PLCE1: variants seen among roughly 807,000 people sequenced by gnomAD.
PLCE1 encodes 1-phosphatidylinositol 4,5-bisphosphate phosphodiesterase epsilon-1.
In PLCE1, 119 loss-of-function variants were observed where a neutral mutation model predicts 242.8. That is an observed-to-expected ratio of 0.49 (90% confidence interval 0.42 to 0.57). The LOEUF (loss-of-function observed/expected upper bound fraction) is 0.57. PLCE1 is among the 20% of genes least tolerant of loss of function. The probability of loss-of-function intolerance (pLI) is 0.00; values close to 1 mark genes in which losing one functional copy is unlikely to be tolerated. For synonymous variants in PLCE1, 945 were observed against 1,017.4 expected, an observed-to-expected ratio of 0.93 and a Z score of 1.35; for missense variants, 2,441 against 2,788.8, an observed-to-expected ratio of 0.88 and a Z score of 2.81.
At chr10:94,213,622 C>T (rs1345420163) in intron 4 of PLCE1, among the ~76,000 whole-genome samples, 1 of 152,068 alleles carries the variant, frequency 6.6e-6, no homozygotes, top group Non-Finnish European at 1.5e-5. Context: ...TTTTTCTTGC[C>T]CCTTTTCCTC....
intron 13 of PLCE1, among the ~76,000 whole-genome samples, chr10:94,261,734 G>A (rs1019662907): frequency 1.3e-5 from 2 of 151,970 alleles, no homozygotes; most frequent in African/African-American, 4.8e-5. Context: ...CCTTCCATGT[G>A]ACCAGCAATT....
In PLCE1 at chr10:94,304,638, C is replaced by T. The variant is rs933902901; in HGVS notation, c.5615C>T (p.Ser1872Phe). The change falls in exon 25 of 33, where the codon TCT becomes TTT. Residue 1872 changes from serine to phenylalanine, a missense_variant. Physicochemically the swap from Ser to Phe is radical, Grantham distance 155. Around this residue, in one of 5 missense-constraint regions of PLCE1, gnomAD observed 1,004 missense variants for 1,322.7 expected, o/e 0.76. Transcript: ENST00000371380. ...GACAGCATGGATCCTGCAGTCTATT[C>T]TTTAACTGTAAGTACGGCCCCTAGA... Reference protein sequence around the residue: ...DLDSMDPAVYSLTIVSGQNVC... With the variant: ...DLDSMDPAVYFLTIVSGQNVC... 1.2e-6 allele frequency: 2 copies of T among 1,613,824 alleles called. No individual in the cohort carries two copies. The highest frequency in any genetic ancestry group is 1.3e-5 in the African/African-American group (1 of 74,926).
rs774119925 is a variant in PLCE1 at position 94,245,991 on chromosome 10, G to A, written c.2466G>A (p.Glu822=). 1.2e-6 allele frequency: 2 copies of A among 1,613,966 alleles called. No homozygotes were observed. The highest frequency in any genetic ancestry group is 3.3e-5 in the Admixed American group (2 of 60,010). Residue 822 remains glutamate, a synonymous_variant, in exon 8 of 33, where the codon GAG becomes GAA. Transcript: ENST00000371380. ...TGGATTCAGACAATGACATCTTTGA[G>A]CAATCCAAAGAATACGACTCTCATG... The part of the protein sequence containing the change: ...DLLDSDNDIF[E]QSKEYDSHGS...
chr10:94,086,787 G>C (rs2044841735), intron 2 of PLCE1, among the ~76,000 whole-genome samples: 1 of 152,222 alleles, frequency 6.6e-6, no homozygotes, highest in African/African-American at 2.4e-5. Flanking sequence ...TCTGCCTCCA[G>C]TCCCTATTTG....
intron 1 of PLCE1, among the ~76,000 whole-genome samples, chr10:94,022,353 A>T (rs1190239417): frequency 2.0e-5 from 3 of 152,054 alleles, no homozygotes; most frequent in Non-Finnish European, 4.4e-5. Flanking sequence ...CTCTATACAG[A>T]TAAATAAAAA....
intron 2 of PLCE1, among the ~76,000 whole-genome samples, chr10:94,114,638 C>T (rs1261463493): frequency 2.0e-5 from 3 of 152,136 alleles, no homozygotes; most frequent in African/African-American, 7.2e-5. Context: ...TCCACATTAC[C>T]CCCAAATAAT....
At chr10:94,049,870 G>A (rs528180361) in intron 2 of PLCE1, among the ~76,000 whole-genome samples, 88 of 152,188 alleles carry the variant, frequency 5.8e-4, no homozygotes, top group African/African-American at 2.1e-3. Flanking sequence ...TTCATAGTTG[G>A]TACTATTTTG....
chr10:94,258,701 C>A, intron 11 of PLCE1, 99 bp from the exon 12 acceptor site: 1 of 1,399,712 alleles, frequency 7.1e-7, no homozygotes, highest in Non-Finnish European at 1.0e-6. Flanking sequence ...AACTTGCACT[C>A]ATCCTTTTGC....
intron 13 of PLCE1, among the ~76,000 whole-genome samples, chr10:94,262,158 GC>G (rs2051324986): frequency 6.6e-6 from 1 of 151,936 alleles, no homozygotes; most frequent in African/African-American, 2.4e-5. Context: ...ACACCACCAT[GC>G]CTGGCTAATT....
intron 2 of PLCE1, among the ~76,000 whole-genome samples, chr10:94,034,160 A>G (rs1227373311): frequency 1.3e-5 from 2 of 152,154 alleles, no homozygotes; most frequent in African/African-American, 2.4e-5. Context: ...ATTCACTACC[A>G]TGAGAAAACT....
intron 23 of PLCE1, among the ~76,000 whole-genome samples, chr10:94,294,765 G>C (rs1185900002): frequency 6.6e-6 from 1 of 152,066 alleles, no homozygotes; most frequent in Non-Finnish European, 1.5e-5. Context: ...TTCATCAGGG[G>C]GGTGGTTGCT....
chr10:94,229,824 C>T (rs932285019), intron 5 of PLCE1, among the ~76,000 whole-genome samples: 4 of 152,204 alleles, frequency 2.6e-5, no homozygotes, highest in Non-Finnish European at 5.9e-5. Flanking sequence ...TAGTTTCATG[C>T]TCCTATATTT....
intron 3 of PLCE1, among the ~76,000 whole-genome samples, chr10:94,135,232 T>C (rs2135943141): frequency 6.6e-6 from 1 of 152,286 alleles, no homozygotes; most frequent in Non-Finnish European, 1.5e-5. Flanking sequence ...TGTTGTACAT[T>C]ACAAATATAT....
At chr10:94,174,777 T>C (rs1344839447) in intron 4 of PLCE1, among the ~76,000 whole-genome samples, 1 of 152,252 alleles carries the variant, frequency 6.6e-6, no homozygotes, top group African/African-American at 2.4e-5. Flanking sequence ...ATTGAGGAAC[T>C]GTTAAAGGCT....
At chr10:94,046,696 G>T (rs780584247) in intron 2 of PLCE1, among the ~76,000 whole-genome samples, 1 of 152,146 alleles carries the variant, frequency 6.6e-6, no homozygotes, top group East Asian at 1.9e-4. Context: ...AGGGCTTAAG[G>T]CTCCATAATG....
At chr10:94,277,576 T>C (rs2052006169) in intron 19 of PLCE1, among the ~76,000 whole-genome samples, 1 of 152,144 alleles carries the variant, frequency 6.6e-6, no homozygotes. Context: ...CATACAGTTC[T>C]CATGCTTCCC....
chr10:94,147,432 AAGAGAGAGAAAGAGAG>A (rs891391719), intron 3 of PLCE1, among the ~76,000 whole-genome samples: 6 of 147,718 alleles, frequency 4.1e-5, no homozygotes, highest in South Asian at 4.5e-4. Context: ...GAAAGAAAGA[AAGAGAGAGAAAGAGAG>A]AGAGAGAGAA....
chr10:94,276,470 A>G (rs1161635940), intron 19 of PLCE1, among the ~76,000 whole-genome samples: 1 of 152,200 alleles, frequency 6.6e-6, no homozygotes, highest in Admixed American at 6.5e-5. Flanking sequence ...AATCTGACTG[A>G]CTAAGTCAGA....
At chr10:94,057,820 G>A (rs977879341) in intron 2 of PLCE1, among the ~76,000 whole-genome samples, 1 of 152,182 alleles carries the variant, frequency 6.6e-6, no homozygotes, top group Non-Finnish European at 1.5e-5. Context: ...AGCTGGGGTT[G>A]CAATTCTCAC....
Sources: allele counts gnomAD v4.1 joint callset (sites outside exome capture counted in the v4.1 genomes callset), GRCh38; gene constraint gnomAD v4.1.1; regional missense constraint gnomAD v4.1.1; transcripts MANE v1.5; gene names NCBI Gene and HGNC (gene_info 2026-07-23, HGNC 2026-07-21).